The following MALRD1 variants were observed in gnomAD, a reference collection of about 807,000 sequenced individuals.
The protein encoded by MALRD1 is MAM and LDL receptor class A domain containing 1.
A neutral mutation model predicts 242.1 loss-of-function variants in MALRD1; 247 were observed. The observed-to-expected ratio is 1.02, with a 90% confidence interval of 0.92 to 1.13. MALRD1 has a LOEUF of 1.13. MALRD1 is among the 50% of genes most tolerant of loss of function. The pLI, the probability that MALRD1 is intolerant of heterozygous loss-of-function variation, is 0.00. For missense variants in MALRD1, 2,989 were observed against 2,533.1 expected, an observed-to-expected ratio of 1.18 and a Z score of -3.86; for synonymous variants, 995 against 866.6, an observed-to-expected ratio of 1.15 and a Z score of -2.60.
At chr10:19,375,347 A>T (rs1845551249) in intron 26 of MALRD1, among the ~76,000 whole-genome samples, 1 of 152,208 alleles carries the variant, frequency 6.6e-6, no homozygotes, top group Admixed American at 6.5e-5. Flanking sequence ...ATGTATACCC[A>T]GATATAAGAT....
chr10:19,608,978 A>G (rs1296933456), intron 35 of MALRD1, among the ~76,000 whole-genome samples: 1 of 152,116 alleles, frequency 6.6e-6, no homozygotes, highest in Admixed American at 6.6e-5. Context: ...ATTCTTTGAC[A>G]CTATTAAGAC....
At chr10:19,316,473 G>A (rs1842712382) in intron 21 of MALRD1, among the ~76,000 whole-genome samples, 2 of 151,842 alleles carry the variant, frequency 1.3e-5, no homozygotes, top group African/African-American at 4.8e-5. Context: ...AATACAGAAT[G>A]TTCTTTTTTT....
intron 33 of MALRD1, among the ~76,000 whole-genome samples, chr10:19,586,750 C>G (rs564334154): frequency 6.6e-6 from 1 of 152,334 alleles, no homozygotes; most frequent in East Asian, 1.9e-4. Context: ...GTGGTGGGCT[C>G]CACCCAGTTC....
At chr10:19,256,581 C>G (rs559024778) in intron 18 of MALRD1, among the ~76,000 whole-genome samples, 11 of 152,030 alleles carry the variant, frequency 7.2e-5, no homozygotes, top group Non-Finnish European at 1.3e-4. Flanking sequence ...TATTTGCCCA[C>G]TAGTTCTATG....
At chr10:19,621,081 A>T (rs933818076) in intron 36 of MALRD1, among the ~76,000 whole-genome samples, 5 of 151,758 alleles carry the variant, frequency 3.3e-5, no homozygotes, top group African/African-American at 9.7e-5. Context: ...AATCTTGTAA[A>T]CTATCTCAAA....
chr10:19,671,656 G>A (rs754793398), intron 36 of MALRD1, among the ~76,000 whole-genome samples: 12 of 152,078 alleles, frequency 7.9e-5, no homozygotes, highest in Admixed American at 1.3e-4. Context: ...AATATTTATC[G>A]CTACAAACAC....
At chr10:19,496,843 G>A (rs929060873) in intron 30 of MALRD1, among the ~76,000 whole-genome samples, 7 of 152,126 alleles carry the variant, frequency 4.6e-5, no homozygotes, top group East Asian at 3.8e-4. Flanking sequence ...ATTGAAGGAC[G>A]TGGAAAAATG....
intron 28 of MALRD1, among the ~76,000 whole-genome samples, chr10:19,413,978 A>C (rs985002328): frequency 6.6e-6 from 1 of 150,622 alleles, no homozygotes; most frequent in African/African-American, 2.4e-5. Context: ...AAAAAAAAAA[A>C]CAATGATTTT....
chr10:19,086,783 T>C (rs2358301), intron 2 of MALRD1, among the ~76,000 whole-genome samples: 81,825 of 151,856 alleles, frequency 0.54, 22,212 homozygotes, highest in Middle Eastern at 0.6. Flanking sequence ...AAGAGCCCTC[T>C]CTCTTACAGA....
At chr10:19,566,404 G>T (rs1167772375) in intron 32 of MALRD1, among the ~76,000 whole-genome samples, 1 of 149,568 alleles carries the variant, frequency 6.7e-6, no homozygotes, top group African/African-American at 2.5e-5. Flanking sequence ...CTCCCAAAGT[G>T]CTGGGATTAC....
chr10:19,232,469 C>G (rs949674770), intron 18 of MALRD1, among the ~76,000 whole-genome samples: 2 of 152,016 alleles, frequency 1.3e-5, no homozygotes, highest in Non-Finnish European at 2.9e-5. Flanking sequence ...TGAGCCACCA[C>G]TCCTGGCCCA....
intron 21 of MALRD1, among the ~76,000 whole-genome samples, chr10:19,318,832 G>T (rs1159519631): frequency 6.6e-6 from 1 of 151,922 alleles, no homozygotes; most frequent in Admixed American, 6.6e-5. Flanking sequence ...TTGTAGGTCT[G>T]CTAGACCCTG....
In MALRD1 at chr10:19,091,419, TG is replaced by T. The variant is rs1409020832; in HGVS notation, c.597+3237del. Among the ~76,000 whole-genome samples, 7 of 35,614 alleles carry T rather than the reference TG, an allele frequency of 2.0e-4. 1 individual carries two copies. Among genetic ancestry groups the T allele is most frequent in the Admixed American group, 3.5e-4 (1 of 2,838 alleles). The allele number at this position is 35,614 out of a possible 152,430, so 23.4% of individuals were successfully genotyped here. On this transcript the variant is annotated intron_variant, in intron 4 of 39. Coordinates refer to ENST00000454679, the MANE Select transcript of MALRD1 (RefSeq NM_001142308.3). ...TCTCTGATGGTAGTTTGTATTTCTG[TG>T]GGATCGATGGTGATATCCCCTTTAT...
intron 32 of MALRD1, among the ~76,000 whole-genome samples, chr10:19,542,755 T>A (rs1835028657): frequency 6.6e-6 from 1 of 152,168 alleles, no homozygotes; most frequent in African/African-American, 2.4e-5. Context: ...ATCTTCTCTA[T>A]CCTTATTGTT....
At chr10:19,304,305 C>T (rs1842074886) in intron 21 of MALRD1, among the ~76,000 whole-genome samples, 1 of 151,304 alleles carries the variant, frequency 6.6e-6, no homozygotes, top group South Asian at 2.1e-4. Context: ...TTATGTGAGC[C>T]GATTCCCACA....
At chr10:19,080,689 A>T (rs1029997491) in intron 2 of MALRD1, among the ~76,000 whole-genome samples, 3 of 152,076 alleles carry the variant, frequency 2.0e-5, no homozygotes, top group African/African-American at 7.2e-5. Flanking sequence ...AGGCAATAAC[A>T]TTCATGACAT....
intron 22 of MALRD1, among the ~76,000 whole-genome samples, chr10:19,327,066 G>A (rs143833965): frequency 0.017 from 2,606 of 152,082 alleles, 67 homozygotes; most frequent in African/African-American, 0.057. Flanking sequence ...TCTTACTGGC[G>A]CAGCATAAAT....
intron 29 of MALRD1, among the ~76,000 whole-genome samples, chr10:19,473,317 G>A (rs1407648081): frequency 6.6e-6 from 1 of 151,706 alleles, no homozygotes; most frequent in African/African-American, 2.4e-5. Context: ...TAAAAATTGT[G>A]GTAAAATATA....
chr10:19,490,093 T>C (rs1207674828), intron 29 of MALRD1, among the ~76,000 whole-genome samples: 1 of 152,182 alleles, frequency 6.6e-6, no homozygotes, highest in Non-Finnish European at 1.5e-5. Flanking sequence ...GGAATCACTT[T>C]AAAAAAGAAT....
Sources: allele counts gnomAD v4.1 joint callset (sites outside exome capture counted in the v4.1 genomes callset), GRCh38; gene constraint gnomAD v4.1.1; transcripts MANE v1.5; gene names NCBI Gene and HGNC (gene_info 2026-07-23, HGNC 2026-07-21).